PAX3: variants seen among roughly 807,000 people sequenced by gnomAD.
PAX3 encodes the protein paired box 3, also known as paired box protein Pax-3.
PAX3 carries 14 observed loss-of-function variants against 51.6 expected under a neutral mutation model. The ratio of observed to expected loss-of-function variants is 0.27; its 90% CI spans 0.18 to 0.42. The LOEUF (loss-of-function observed/expected upper bound fraction) is 0.42, where lower values mean the gene tolerates loss of function less well. PAX3 is among the 10% of genes least tolerant of loss of function. The pLI is 1.00. For synonymous variants in PAX3, 280 were observed against 253.4 expected, an observed-to-expected ratio of 1.11 and a Z score of -1.00; for missense variants, 540 against 642.8, an observed-to-expected ratio of 0.84 and a Z score of 1.73.
chr2:222,244,574 A>G (rs981800640), intron 4 of PAX3, among the ~76,000 whole-genome samples: 1 of 152,108 alleles, frequency 6.6e-6, no homozygotes, highest in African/African-American at 2.4e-5. Context: ...TAGCATGTGA[A>G]GAATGTTCCC....
chr2:222,273,948 T>C (rs1254752398), intron 4 of PAX3, among the ~76,000 whole-genome samples: 1 of 152,160 alleles, frequency 6.6e-6, no homozygotes, highest in Non-Finnish European at 1.5e-5. Flanking sequence ...CAGGTATAAA[T>C]TGTAATCTGT....
intron 4 of PAX3, among the ~76,000 whole-genome samples, chr2:222,235,938 G>A (rs1349215433): frequency 6.6e-6 from 1 of 152,168 alleles, no homozygotes; most frequent in Non-Finnish European, 1.5e-5. Flanking sequence ...CCACCATATA[G>A]CATAATTTCA....
intron 4 of PAX3, among the ~76,000 whole-genome samples, chr2:222,260,599 T>G (rs1192562698): frequency 3.0e-4 from 20 of 66,854 alleles, no homozygotes; most frequent in African/African-American, 6.1e-4. Flanking sequence ...TTGTTTTTTT[T>G]TTTTTTTTTT....
intron 4 of PAX3, among the ~76,000 whole-genome samples, chr2:222,269,701 T>A (rs1462802213): frequency 3.9e-5 from 6 of 152,002 alleles, no homozygotes; most frequent in African/African-American, 1.4e-4. Context: ...CCCTTCACCA[T>A]TTTTAATACC....
chr2:222,298,704 G>C lies in PAX3; in HGVS notation c.-89C>G. 1 of 1,286,646 alleles carries C rather than the reference G, an allele frequency of 7.8e-7. No homozygotes were observed. The highest frequency in any genetic ancestry group is 1.1e-6 in the Non-Finnish European group (1 of 909,464). The allele number at this position is 1,286,646 out of a possible 1,614,324, so 79.7% of individuals were successfully genotyped here. The stretch of plus-strand genomic sequence containing the variant: ...CGCGGATGACCCTCGGGAACTATCC[G>C]GAGCGTGGAGAGCCCCTCCCCAAAA... On this transcript the variant is annotated 5_prime_UTR_variant, in exon 1 of 9. Transcript: ENST00000392070.
At chr2:222,290,583 G>A (rs13022096) in intron 4 of PAX3, among the ~76,000 whole-genome samples, 94,260 of 152,002 alleles carry the variant, frequency 0.62, 30,240 homozygotes, top group East Asian at 0.87. Flanking sequence ...CTCCCCCTGC[G>A]CTCCGGAGCT....
intron 4 of PAX3, among the ~76,000 whole-genome samples, chr2:222,275,547 CAGA>C (rs1394694079): frequency 6.6e-6 from 1 of 152,024 alleles, no homozygotes. Context: ...TGTCTACCTT[CAGA>C]ATATATAGCT....
intron 4 of PAX3, among the ~76,000 whole-genome samples, chr2:222,237,230 G>A (rs1692831598): frequency 6.6e-6 from 1 of 151,950 alleles, no homozygotes; most frequent in Non-Finnish European, 1.5e-5. Context: ...AAGGAAGCTA[G>A]AATTTGACCC....
At chr2:222,286,769 T>C (rs1694847369) in intron 4 of PAX3, among the ~76,000 whole-genome samples, 3 of 152,324 alleles carry the variant, frequency 2.0e-5, no homozygotes, top group Middle Eastern at 6.8e-3. Flanking sequence ...AGAAATTACC[T>C]GTTGGTGGTT....
In PAX3 at chr2:222,297,058, C is replaced by G. The variant is rs483353059; in HGVS notation, c.241G>C (p.Gly81Arg). 1 of 1,614,156 alleles carries G rather than the reference C, an allele frequency of 6.2e-7. No individual in the cohort carries two copies. The highest frequency in any genetic ancestry group is 8.5e-7 in the Non-Finnish European group (1 of 1,180,022). The change falls in exon 2 of 9, where the codon GGC becomes CGC. Residue 81 changes from glycine to arginine, a missense_variant. Gly to Arg is a moderately radical substitution (Grantham distance 125, BLOSUM62 -2). Coordinates refer to ENST00000392070, the MANE Select transcript of PAX3 (RefSeq NM_181458.4). ...CTGCACAGGATCTTGGAGACGCAGC[C>G]GTGGGACACGCGCAGCTGGCGCGAG... is the stretch of plus-strand genomic sequence containing the variant. ...VISRQLRVSH[G>R]CVSKILCRYQ...
intron 4 of PAX3, chr2:222,262,737 C>T (rs1158802742): frequency 6.6e-6 from 1 of 151,974 alleles, no homozygotes; most frequent in African/African-American, 2.4e-5. Context: ...AAGAATTATT[C>T]TGAAGTCACA....
rs112715528 is a variant in PAX3, at chr2:222,221,995, C to T, written c.793-608G>A. Among the ~76,000 whole-genome samples the T allele has an allele frequency of 7.8e-3, 1,186 of 151,756 alleles. 10 individuals carry two copies. The highest frequency in any genetic ancestry group is 0.017 in the South Asian group (81 of 4,774). Reference sequence around the variant, plus strand: ...GGTAAGTGTTTCAAGAAATGAAAGCCTTTTTTTATCTAAAATAATTCATTT... The same window carrying T: ...GGTAAGTGTTTCAAGAAATGAAAGCTTTTTTTTATCTAAAATAATTCATTT... On this transcript the variant is annotated intron_variant, in intron 5 of 8. Transcript: ENST00000392070.
intron 4 of PAX3, among the ~76,000 whole-genome samples, chr2:222,248,474 G>A (rs1693308225): frequency 6.6e-6 from 1 of 152,156 alleles, no homozygotes; most frequent in South Asian, 2.1e-4. Context: ...TCTCTGTACT[G>A]CAAGAGCATT....
rs765275049 is a variant in PAX3, at chr2:222,220,368, G to C, written c.959-14C>G. On this transcript the variant is annotated splice_polypyrimidine_tract_variant and intron_variant, in intron 6 of 8. Transcript: ENST00000392070. ...GATCTGACACAGCTGAAATGAAAAA[G>C]ATTGTCAACCATCATGTTTTCTTTT... The C allele has an allele frequency of 6.2e-7, 1 of 1,612,772 alleles. No homozygotes were observed. The highest frequency in any genetic ancestry group is 1.1e-5 in the South Asian group (1 of 91,046).
intron 7 of PAX3, among the ~76,000 whole-genome samples, chr2:222,210,850 A>T (rs1401163438): frequency 6.6e-6 from 1 of 152,140 alleles, no homozygotes; most frequent in African/African-American, 2.4e-5. Context: ...AAGCAAAAGT[A>T]TATTTTTGTC....
intron 7 of PAX3, among the ~76,000 whole-genome samples, chr2:222,211,745 A>G (rs750453262): frequency 3.3e-5 from 5 of 152,184 alleles, no homozygotes; most frequent in Admixed American, 6.5e-5. Context: ...GGGCTCCATA[A>G]TCAGATTAGA....
chr2:222,260,217 C>T (rs149451218), intron 4 of PAX3, among the ~76,000 whole-genome samples: 1 of 151,914 alleles, frequency 6.6e-6, no homozygotes, highest in East Asian at 2.0e-4. Context: ...TTCTGTTGTA[C>T]ATCACAAGAT....
chr2:222,212,235 T>C lies in PAX3; in HGVS notation c.1173+7905A>G, dbSNP rs552351053. Among the ~76,000 whole-genome samples, 17 of 152,256 alleles carry C rather than the reference T, an allele frequency of 1.1e-4. No individual in the cohort carries two copies. In the South Asian group the frequency reaches 3.3e-3, roughly 30 times the overall value. ...CTCAGGACAGATGCAATAGTTTAAC[T>C]AGATTTTTTTAACGCAATCTGCCCA... On this transcript the variant is annotated intron_variant, in intron 7 of 8. Coordinates refer to ENST00000392070, the MANE Select transcript of PAX3 (RefSeq NM_181458.4).
intron 4 of PAX3, among the ~76,000 whole-genome samples, chr2:222,246,545 T>C (rs1386353008): frequency 2.0e-5 from 3 of 152,158 alleles, no homozygotes; most frequent in Non-Finnish European, 4.4e-5. Context: ...AGAATTGCTA[T>C]TGATTTTAAA....
Sources: allele counts gnomAD v4.1 joint callset (sites outside exome capture counted in the v4.1 genomes callset), GRCh38; gene constraint gnomAD v4.1.1; transcripts MANE v1.5; gene names NCBI Gene and HGNC (gene_info 2026-07-23, HGNC 2026-07-21).